The following RERE variants were observed in gnomAD, a reference collection of about 807,000 sequenced individuals.
RERE encodes the protein arginine-glutamic acid dipeptide repeats, also known as arginine-glutamic acid dipeptide repeats protein.
Under a neutral mutation model 146.1 loss-of-function variants are expected in RERE, and 40 were observed. The ratio of observed to expected loss-of-function variants is 0.27; its 90% CI spans 0.21 to 0.36. The LOEUF (loss-of-function observed/expected upper bound fraction) is 0.36. Ranked by LOEUF, RERE falls within the 10% of genes least tolerant of loss-of-function variation. RERE has a pLI of 1.00. For synonymous variants in RERE, 1,003 were observed against 866.0 expected (o/e 1.16, Z -2.78); for missense variants, 1,933 against 2,138.7 (o/e 0.90, Z 1.90).
At chr1:8,393,890 T>C (rs1642966725) in intron 12 of RERE, among the ~76,000 whole-genome samples, 1 of 152,198 alleles carries the variant, frequency 6.6e-6, no homozygotes, top group Non-Finnish European at 1.5e-5. Context: ...CCTTCATTTT[T>C]TGTTTATAAT....
chr1:8,657,095 G>A (rs890557400), intron 1 of RERE, among the ~76,000 whole-genome samples: 5 of 152,100 alleles, frequency 3.3e-5, no homozygotes, highest in African/African-American at 1.2e-4. Flanking sequence ...GGGGTCAGGA[G>A]ATCAAGATCA....
intron 1 of RERE, among the ~76,000 whole-genome samples, chr1:8,735,738 G>C (rs891408516): frequency 6.6e-6 from 1 of 152,114 alleles, no homozygotes; most frequent in Non-Finnish European, 1.5e-5. Flanking sequence ...AGATCTGGTC[G>C]TTTAAATTGT....
In RERE at chr1:8,366,932, A is replaced by AC. The variant is rs770860160; in HGVS notation, c.1285-959_1285-958insG. Among the ~76,000 whole-genome samples, 165 of 150,156 alleles carry AC rather than the reference A, an allele frequency of 1.1e-3. 2 individuals carry two copies. The highest frequency in any genetic ancestry group is 3.0e-3 in the South Asian group (14 of 4,726). On this transcript the variant is annotated intron_variant, in intron 12 of 22. Coordinates refer to ENST00000400908, the MANE Select transcript of RERE (RefSeq NM_001042681.2). Reference sequence around the variant, plus strand: ...AAAAAAAAACAAAAAAAAAAAACAAAAAAAAAAAACCCAAAAAACAAACAC... The same window carrying AC: ...AAAAAAAAACAAAAAAAAAAAACAAACAAAAAAAAACCCAAAAAACAAACAC...
chr1:8,712,159 G>A lies in RERE; in HGVS notation c.-144-55718C>T, dbSNP rs140528503. ...ACATTGGCTAAAACAAAAATCAAAA[G>A]CCACAGATTCGAGAATGTTTGATCT... On this transcript the variant is annotated intron_variant, in intron 1 of 22. Coordinates refer to ENST00000400908, the MANE Select transcript of RERE (RefSeq NM_001042681.2). Among the ~76,000 whole-genome samples, 4 of 152,212 alleles carry A rather than the reference G, an allele frequency of 2.6e-5. No homozygotes were observed. The East Asian group carries it at 7.7e-4, about 29-fold the overall frequency.
chr1:8,384,024 G>A (rs918250496), intron 12 of RERE, among the ~76,000 whole-genome samples: 9 of 152,100 alleles, frequency 5.9e-5, no homozygotes, highest in Non-Finnish European at 8.8e-5. Flanking sequence ...ACAAACTCTC[G>A]TAGTAGAAAG....
At chr1:8,742,259 G>A (rs925995925) in intron 1 of RERE, among the ~76,000 whole-genome samples, 1 of 152,112 alleles carries the variant, frequency 6.6e-6, no homozygotes, top group Non-Finnish European at 1.5e-5. Context: ...AATGCAAACA[G>A]TCTTCTAAAG....
chr1:8,679,270 G>T (rs915161437), intron 1 of RERE, among the ~76,000 whole-genome samples: 1 of 152,188 alleles, frequency 6.6e-6, no homozygotes, highest in East Asian at 1.9e-4. Context: ...AAAGGCAACA[G>T]ATTACAATTC....
intron 11 of RERE, among the ~76,000 whole-genome samples, chr1:8,462,651 T>C (rs1644541889): frequency 1.3e-5 from 2 of 152,214 alleles, no homozygotes; most frequent in South Asian, 2.1e-4. Flanking sequence ...AAAGTATTCA[T>C]GTAAAAATGC....
intron 1 of RERE, among the ~76,000 whole-genome samples, chr1:8,770,264 TTATCATGAGGTACA>T (rs1640919226): frequency 6.6e-6 from 1 of 152,192 alleles, no homozygotes; most frequent in African/African-American, 2.4e-5. Flanking sequence ...AGTTAAGGTA[TTATCATGAGGTACA>T]GTACCTGACA....
intron 10 of RERE, among the ~76,000 whole-genome samples, chr1:8,476,427 C>T: frequency 6.6e-6 from 1 of 152,102 alleles, no homozygotes; most frequent in Non-Finnish European, 1.5e-5. Flanking sequence ...ACAAAGCAAG[C>T]ACACTGTCTT....
intron 12 of RERE, among the ~76,000 whole-genome samples, chr1:8,404,797 G>C (rs976739414): frequency 3.3e-5 from 5 of 152,196 alleles, no homozygotes; most frequent in African/African-American, 1.2e-4. Context: ...AACCGTGTCA[G>C]GGCGAGGTGG....
intron 7 of RERE, among the ~76,000 whole-genome samples, chr1:8,522,805 G>A (rs193031312): frequency 1.7e-4 from 26 of 152,030 alleles, no homozygotes; most frequent in Admixed American, 1.1e-3. Flanking sequence ...CCCAGGAGGC[G>A]GAGGTTGCAG....
intron 12 of RERE, among the ~76,000 whole-genome samples, chr1:8,404,264 A>G (rs1643371360): frequency 6.6e-6 from 1 of 152,126 alleles, no homozygotes; most frequent in East Asian, 1.9e-4. Flanking sequence ...AAAAATATAA[A>G]AAATTAGCCA....
At chr1:8,812,964 C>A (rs946826847) in intron 1 of RERE, among the ~76,000 whole-genome samples, 1 of 151,942 alleles carries the variant, frequency 6.6e-6, no homozygotes, top group African/African-American at 2.4e-5. Context: ...CACACACACA[C>A]ACAAACTATA....
At chr1:8,428,264 C>T (rs750904166) in intron 11 of RERE, among the ~76,000 whole-genome samples, 1 of 152,310 alleles carries the variant, frequency 6.6e-6, no homozygotes. Context: ...CTCAGACGCA[C>T]GAACTGAGCG....
At chr1:8,537,942 A>G (rs1378725739) in intron 7 of RERE, among the ~76,000 whole-genome samples, 1 of 152,256 alleles carries the variant, frequency 6.6e-6, no homozygotes, top group Non-Finnish European at 1.5e-5. Context: ...CCAAAATTTC[A>G]GTGCTGTTCA....
intron 1 of RERE, among the ~76,000 whole-genome samples, chr1:8,757,159 T>C (rs1032286186): frequency 1.4e-5 from 2 of 145,758 alleles, no homozygotes; most frequent in Non-Finnish European, 3.0e-5. Flanking sequence ...TGGAAGATAA[T>C]GAAGCTACTT....
intron 12 of RERE, among the ~76,000 whole-genome samples, chr1:8,397,107 C>T (rs1334387283): frequency 6.6e-6 from 1 of 152,206 alleles, no homozygotes; most frequent in African/African-American, 2.4e-5. Flanking sequence ...TCAGAAACAG[C>T]ACAGCAGCTA....
At chr1:8,395,278 G>A (rs767300580) in intron 12 of RERE, among the ~76,000 whole-genome samples, 2 of 151,906 alleles carry the variant, frequency 1.3e-5, no homozygotes, top group Non-Finnish European at 2.9e-5. Flanking sequence ...GTTCAAGACC[G>A]GCCTCGCCAA....
Sources: allele counts gnomAD v4.1 joint callset (sites outside exome capture counted in the v4.1 genomes callset), GRCh38; gene constraint gnomAD v4.1.1; transcripts MANE v1.5; gene names NCBI Gene and HGNC (gene_info 2026-07-23, HGNC 2026-07-21).